Variants in MYOM1 observed in about 807,000 individuals in gnomAD.
The protein encoded by MYOM1 is myomesin-1.
Under a neutral mutation model 205.3 loss-of-function variants are expected in MYOM1, and 164 were observed. The observed-to-expected ratio is 0.80, with a 90% CI of 0.70 to 0.91. The LOEUF is 0.91. Ranked by LOEUF, MYOM1 falls within the 40% of genes least tolerant of loss-of-function variation. MYOM1 has a pLI of 0.00. For missense variants in MYOM1, 2,011 were observed against 2,127.3 expected, an observed-to-expected ratio of 0.95 and a Z score of 1.08; for synonymous variants, 772 against 789.4, an observed-to-expected ratio of 0.98 and a Z score of 0.37.
chr18:3,170,371 A>T (rs2080539307), intron 8 of MYOM1, among the ~76,000 whole-genome samples: 1 of 152,186 alleles, frequency 6.6e-6, no homozygotes, highest in Non-Finnish European at 1.5e-5. Context: ...TTGTATCTAA[A>T]TATCGCATGT....
At chr18:3,243,011 A>G in the MYOM1 span, among the ~76,000 whole-genome samples, 8 of 152,146 alleles carry the variant, frequency 5.3e-5, no homozygotes, top group African/African-American at 1.9e-4. Flanking sequence ...AAGTATCCCC[A>G]AATACCCTTA....
intron 37 of MYOM1, among the ~76,000 whole-genome samples, chr18:3,070,048 CA>C (rs952477883): frequency 3.3e-5 from 5 of 152,244 alleles, no homozygotes; most frequent in African/African-American, 1.2e-4. Context: ...GAATTCCAGT[CA>C]CCCACTGTAT....
intron 2 of MYOM1, among the ~76,000 whole-genome samples, chr18:3,201,114 T>A (rs2081060512): frequency 6.6e-6 from 1 of 152,178 alleles, no homozygotes; most frequent in South Asian, 2.1e-4. Context: ...GAATTCTATA[T>A]CTGGCCGGGC....
intron 10 of MYOM1, among the ~76,000 whole-genome samples, chr18:3,164,047 G>C (rs1331903120): frequency 6.6e-6 from 1 of 151,610 alleles, no homozygotes; most frequent in East Asian, 1.9e-4. Context: ...TGTAGAAATG[G>C]GTTCTTGCCT....
intron 8 of MYOM1, among the ~76,000 whole-genome samples, chr18:3,172,291 G>A (rs9954866): frequency 0.4 from 60,256 of 151,904 alleles, 12,010 homozygotes; most frequent in Middle Eastern, 0.43. Context: ...CATTCAATTC[G>A]GGGGTCATCA....
At chr18:3,243,502 A>G in the MYOM1 span, among the ~76,000 whole-genome samples, 2 of 152,252 alleles carry the variant, frequency 1.3e-5, no homozygotes, top group Non-Finnish European at 2.9e-5. Flanking sequence ...AGCACAGTAC[A>G]GTAAAATAAA....
chr18:3,104,882 G>A (rs758413413), intron 22 of MYOM1, among the ~76,000 whole-genome samples: 2 of 151,786 alleles, frequency 1.3e-5, no homozygotes, highest in African/African-American at 2.4e-5. Flanking sequence ...AAGTAGCTGG[G>A]ATCACAGGTG....
At chr18:3,074,368 G>A (rs2078997001) in intron 36 of MYOM1, among the ~76,000 whole-genome samples, 1 of 152,180 alleles carries the variant, frequency 6.6e-6, no homozygotes, top group Non-Finnish European at 1.5e-5. Flanking sequence ...GAGGCACATG[G>A]AGCCCTGTGG....
the MYOM1 span, among the ~76,000 whole-genome samples, chr18:3,233,047 T>G: frequency 6.6e-6 from 1 of 152,256 alleles, no homozygotes; most frequent in Non-Finnish European, 1.5e-5. Context: ...AAATAATTAC[T>G]GTAAGAACTA....
chr18:3,191,847 C>T (rs542908699), intron 3 of MYOM1, among the ~76,000 whole-genome samples: 1 of 151,938 alleles, frequency 6.6e-6, no homozygotes, highest in South Asian at 2.1e-4. Flanking sequence ...AGGTGCCCGC[C>T]ACCACGCCCG....
In MYOM1 at chr18:3,193,933, C is replaced by A; in HGVS notation, c.316G>T (p.Asp106Tyr). ...GGGCTCAACTTGGATGAATAATCAT[C>A]TAACAGCAGACTGGAATCTGTAAGT... is the stretch of plus-strand genomic sequence containing the variant. Reference protein sequence around the residue: ...HGLTDSSLLLDDYSSKLSPKP... With the variant: ...HGLTDSSLLLYDYSSKLSPKP... Residue 106 changes from aspartate to tyrosine, a missense_variant, in exon 3 of 38, where the codon GAT becomes TAT. Asp to Tyr is a radical substitution (Grantham distance 160). Coordinates refer to ENST00000356443, the MANE Select transcript of MYOM1 (RefSeq NM_003803.4). 6.2e-7 allele frequency: 1 copy of A among 1,613,698 alleles called. No homozygotes were observed. Among genetic ancestry groups the A allele is most frequent in the Non-Finnish European group, 8.5e-7 (1 of 1,179,744 alleles).
chr18:3,131,468 G>C lies in MYOM1; in HGVS notation c.2413C>G (p.Gln805Glu). The C allele has an allele frequency of 6.2e-7, 1 of 1,613,260 alleles. No individual in the cohort carries two copies. Among genetic ancestry groups the C allele is most frequent in the East Asian group, 2.2e-5 (1 of 44,864 alleles). Residue 805 changes from glutamine to glutamate, a missense_variant, in exon 17 of 38, where the codon CAG becomes GAG. By Grantham distance (29) the Gln-to-Glu change is conservative (BLOSUM62 2). Coordinates refer to ENST00000356443, the MANE Select transcript of MYOM1 (RefSeq NM_003803.4). ...RFTCHGLVTGQSYIFRVRAVN... is the reference protein window; with the variant it reads ...RFTCHGLVTGESYIFRVRAVN... The stretch of plus-strand genomic sequence containing the variant: ...GCTCTGACCCGGAAAATATAACTCT[G>C]ACCAGTCACTAATCCATGACAAGTG...
intron 11 of MYOM1, among the ~76,000 whole-genome samples, chr18:3,154,309 G>T (rs568889753): frequency 8.8e-4 from 133 of 151,514 alleles, no homozygotes; most frequent in African/African-American, 3.2e-3. Flanking sequence ...TTCATTTTTG[G>T]AACTTTTACC....
chr18:3,196,005 C>T (rs755270922), intron 2 of MYOM1, among the ~76,000 whole-genome samples: 2 of 152,130 alleles, frequency 1.3e-5, no homozygotes, highest in African/African-American at 2.4e-5. Flanking sequence ...TTATATAGTA[C>T]TGCTTAGAAA....
Position 3,164,329 on chromosome 18 carries a change from C to G in MYOM1, c.1450G>C (p.Val484Leu). 6.2e-7 allele frequency: 1 copy of G among 1,612,932 alleles called. No individual in the cohort carries two copies. Among genetic ancestry groups the G allele is most frequent in the Non-Finnish European group, 8.5e-7 (1 of 1,179,366 alleles). ...TGTTCATAATATTCTCCCATCCGTACACGGATTGTATAGAGGCCTTCATCT... is the reference window on the plus strand; with the variant it reads ...TGTTCATAATATTCTCCCATCCGTAGACGGATTGTATAGAGGCCTTCATCT... ...KEDEGLYTIR[V>L]RMGEYYEQYS... Residue 484 changes from valine to leucine, a missense_variant, in exon 10 of 38, where the codon GTA becomes CTA. Transcript: ENST00000356443.
Position 3,126,626 on chromosome 18 carries a change from G to C in MYOM1, c.2991+75C>G, listed in dbSNP as rs187691482. The C allele has an allele frequency of 8.9e-6, 12 of 1,341,220 alleles. No individual in the cohort carries two copies. The East Asian group carries it at 2.6e-4, about 29-fold the overall frequency. 83.1% of individuals were successfully genotyped at this position (1,341,220 alleles called of 1,614,324 possible). On this transcript the variant is annotated intron_variant, in intron 19 of 37. Transcript: ENST00000356443. The stretch of plus-strand genomic sequence containing the variant: ...ACGTGACTCTCTTACAAGGTGCTGG[G>C]TGTGTGCCTGCCTGGGCGTGCAAGC...
At chr18:3,216,926 G>C (rs907191851) in intron 1 of MYOM1, 3 of 152,220 alleles carry the variant, frequency 2.0e-5, no homozygotes, top group Admixed American at 6.5e-5. Context: ...GGTCCTTAAA[G>C]AGGAAGTTGA....
At chr18:3,216,401 G>A (rs1042205207) in intron 1 of MYOM1, among the ~76,000 whole-genome samples, 1 of 152,228 alleles carries the variant, frequency 6.6e-6, no homozygotes, top group Admixed American at 6.5e-5. Flanking sequence ...TCAAGTATGA[G>A]ATAGGTTAAT....
At chr18:3,233,208 G>A in the MYOM1 span, among the ~76,000 whole-genome samples, 1 of 152,138 alleles carries the variant, frequency 6.6e-6, no homozygotes, top group African/African-American at 2.4e-5. Context: ...TGGACCTAGT[G>A]GACCGTACAG....
Sources: gnomAD v4.1 joint callset for allele counts (sites outside exome capture counted in the v4.1 genomes callset) on GRCh38, gnomAD v4.1.1 for gene constraint, MANE v1.5 for transcripts, NCBI Gene and HGNC (gene_info 2026-07-23, HGNC 2026-07-21) for gene names.